The following HNRNPD variants were observed in gnomAD, a reference collection of about 807,000 sequenced individuals.
HNRNPD encodes the protein heterogeneous nuclear ribonucleoprotein D.
HNRNPD carries 3 observed loss-of-function variants against 47.9 expected under a neutral mutation model. The observed-to-expected ratio is 0.06, with a 90% CI of 0.03 to 0.16. HNRNPD has a LOEUF of 0.16. Ranked by LOEUF, HNRNPD falls within the 10% of genes least tolerant of loss-of-function variation. HNRNPD has a pLI of 1.00. For missense variants in HNRNPD, 287 were observed against 454.2 expected (o/e 0.63, Z 3.35); for synonymous variants, 171 against 165.1 (o/e 1.04, Z -0.28).
chr4:82,372,099 G>A lies in HNRNPD; in HGVS notation c.234-515C>T, dbSNP rs371691330. 7.9e-5 allele frequency among the ~76,000 whole-genome samples: 12 copies of A among 151,822 alleles called. No homozygotes were observed. The South Asian group carries it at 2.5e-3, about 32-fold the overall frequency. ...TCGTGTTTTCTAATACTAGATTAAA[G>A]CGACATCTTGTTATATCCACCAACA... is the stretch of plus-strand genomic sequence containing the variant. On this transcript the variant is annotated intron_variant, in intron 1 of 8. Transcript: ENST00000313899.
intron 2 of HNRNPD, among the ~76,000 whole-genome samples, chr4:82,364,313 C>T (rs1719636317): frequency 6.6e-6 from 1 of 152,144 alleles, no homozygotes; most frequent in African/African-American, 2.4e-5. Flanking sequence ...ATATTAAAGT[C>T]CAAGATTGTT....
intron 2 of HNRNPD, among the ~76,000 whole-genome samples, chr4:82,360,628 CT>C (rs1723924269): frequency 6.6e-6 from 1 of 150,926 alleles, no homozygotes; most frequent in Non-Finnish European, 1.5e-5. Flanking sequence ...ATCAGACTTG[CT>C]CAACATTTTC....
At chr4:82,373,073 T>C (rs751077940) in intron 1 of HNRNPD, 7 of 475,996 alleles carry the variant, frequency 1.5e-5, no homozygotes, top group Non-Finnish European at 2.5e-5. Context: ...CCCAAGACTG[T>C]AGAAAAAGGG....
At chr4:82,367,408 TG>T (rs1719820652) in intron 2 of HNRNPD, among the ~76,000 whole-genome samples, 1 of 152,226 alleles carries the variant, frequency 6.6e-6, no homozygotes, top group African/African-American at 2.4e-5. Flanking sequence ...GTATCAATGC[TG>T]AAGTCAGAAA....
chr4:82,363,096 A>G (rs966411347), intron 2 of HNRNPD, among the ~76,000 whole-genome samples: 1 of 148,796 alleles, frequency 6.7e-6, no homozygotes, highest in African/African-American at 2.5e-5. Context: ...TTTTCTTTTT[A>G]AACAGAGTCT....
intron 1 of HNRNPD, among the ~76,000 whole-genome samples, chr4:82,372,114 AT>A (rs1248904008): frequency 1.3e-5 from 2 of 151,992 alleles, no homozygotes; most frequent in Admixed American, 1.3e-4. Flanking sequence ...ATCTTGTTAT[AT>A]CCACCAACAC....
intron 6 of HNRNPD, 53 bp downstream of exon 6, chr4:82,356,743 A>G: frequency 6.2e-7 from 1 of 1,613,178 alleles, no homozygotes. Flanking sequence ...TTACTTCAGG[A>G]TAATTAAAAA....
At chr4:82,358,153 G>A (rs1047496047) in intron 4 of HNRNPD, 5 of 152,804 alleles carry the variant, frequency 3.3e-5, no homozygotes, top group Admixed American at 6.5e-5. Context: ...CCACTATGTT[G>A]TCCAGGATGG....
At chr4:82,355,191 G>C in intron 8 of HNRNPD, 113 bp downstream of exon 8, 1 of 677,454 alleles carries the variant, frequency 1.5e-6, no homozygotes, top group East Asian at 2.7e-5. Flanking sequence ...TTATAATATG[G>C]TAAGCACTTC....
chr4:82,357,460 A>G lies in HNRNPD; in HGVS notation c.622-16T>C, dbSNP rs546903999. ...TGGATTCCACCTGGTATTAAAAAAC[A>G]AATTTTAATATGCTAACATGCATTT... On this transcript the variant is annotated splice_polypyrimidine_tract_variant and intron_variant, in intron 4 of 8. Coordinates refer to ENST00000313899, the MANE Select transcript of HNRNPD (RefSeq NM_031370.3). 1.9e-6 allele frequency: 3 copies of G among 1,586,056 alleles called. No homozygotes were observed. Among genetic ancestry groups the G allele is most frequent in the Admixed American group, 1.9e-5 (1 of 51,922 alleles).
At chr4:82,371,895 T>A (rs1268590802) in intron 1 of HNRNPD, among the ~76,000 whole-genome samples, 1 of 152,086 alleles carries the variant, frequency 6.6e-6, no homozygotes, top group Non-Finnish European at 1.5e-5. Flanking sequence ...TCGAGTTGGT[T>A]CTGTTTAATT....
Position 82,358,758 on chromosome 4 carries a change from G to A in HNRNPD, c.522C>T (p.Ala174=), listed in dbSNP as rs781570745. Residue 174 remains alanine (A), a synonymous_variant, in exon 4 of 9, where the codon GCC becomes GCT. Transcript: ENST00000313899. ...GKVIDPKRAK[A]MKTKEPVKKI... is the part of the protein sequence containing the mutation. The stretch of plus-strand genomic sequence containing the variant: ...TTTTAACCGGCTCTTTTGTTTTCAT[G>A]GCTTTGGCCCTTTTAGGATCAATCA... 6.2e-7 allele frequency: 1 copy of A among 1,612,622 alleles called. No homozygotes were observed. Among genetic ancestry groups the A allele is most frequent in the African/African-American group, 1.3e-5 (1 of 74,826 alleles).
chr4:82,373,277 G>A (rs977579955), intron 1 of HNRNPD, 169 bp downstream of exon 1: 21 of 899,970 alleles, frequency 2.3e-5, no homozygotes, highest in South Asian at 3.1e-5. Context: ...AAGGAAGAAG[G>A]AAATGAAGGT....
At chr4:82,370,704 T>C (rs1344138736) in intron 2 of HNRNPD, among the ~76,000 whole-genome samples, 1 of 152,192 alleles carries the variant, frequency 6.6e-6, no homozygotes. Flanking sequence ...GTTAACTGCC[T>C]GCAAGTTAGT....
At chr4:82,366,527 A>G (rs1401787879) in intron 2 of HNRNPD, among the ~76,000 whole-genome samples, 3 of 152,098 alleles carry the variant, frequency 2.0e-5, no homozygotes, top group South Asian at 2.1e-4. Context: ...GACAGGCATA[A>G]GCCACCGCGC....
chr4:82,369,619 T>C (rs533613712), intron 2 of HNRNPD, among the ~76,000 whole-genome samples: 1 of 151,888 alleles, frequency 6.6e-6, no homozygotes, highest in Admixed American at 6.6e-5. Context: ...TATAAAACTG[T>C]TGCCCTTATA....
At chr4:82,355,689 C>G (rs1369411832) in intron 7 of HNRNPD, 2 of 406,472 alleles carry the variant, frequency 4.9e-6, no homozygotes, top group Non-Finnish European at 8.7e-6. Flanking sequence ...GGACAGCTGA[C>G]CCTTTCACAA....
intron 1 of HNRNPD, among the ~76,000 whole-genome samples, chr4:82,372,834 G>A (rs1327738375): frequency 6.6e-6 from 1 of 152,218 alleles, no homozygotes; most frequent in Non-Finnish European, 1.5e-5. Flanking sequence ...GTATGCCATT[G>A]TGCGATAGCG....
Position 82,357,332 on chromosome 4 carries a change from T to C in HNRNPD, c.734A>G (p.His245Arg). 1 of 1,612,296 alleles carries C rather than the reference T, an allele frequency of 6.2e-7. No individual in the cohort carries two copies. Among genetic ancestry groups the C allele is most frequent in the Non-Finnish European group, 8.5e-7 (1 of 1,179,482 alleles). ...ACTTACTTTACTAAGACCAACATTG[T>C]GGTATTTCTTTTCCATTATCTTCTT... The part of the protein sequence containing the change: ...PVKKIMEKKY[H>R]NVGLSKCEIK... Residue 245 changes from histidine (H) to arginine (R), a missense_variant, in exon 5 of 9, where the codon CAC (histidine) becomes CGC (arginine). By Grantham distance (29) the His-to-Arg change is conservative. Transcript: ENST00000313899.
Sources: gnomAD v4.1 joint callset for allele counts (sites outside exome capture counted in the v4.1 genomes callset) on GRCh38, gnomAD v4.1.1 for gene constraint, MANE v1.5 for transcripts, NCBI Gene and HGNC (gene_info 2026-07-23, HGNC 2026-07-21) for gene names.